SPON1: variants seen among roughly 807,000 people sequenced by gnomAD.
SPON1 encodes spondin 1.
A neutral mutation model predicts 111.7 loss-of-function variants in SPON1; 52 were observed. The ratio of observed to expected loss-of-function variants is 0.47; its 90% CI spans 0.37 to 0.59. SPON1 has a LOEUF of 0.59. Among genes scored for constraint, SPON1 ranks in the 20% least tolerant of loss-of-function variants. The pLI is 0.00. For synonymous variants in SPON1, 410 were observed against 395.8 expected (o/e 1.04, Z -0.43); for missense variants, 957 against 1,068.5 (o/e 0.90, Z 1.46).
intron 6 of SPON1, among the ~76,000 whole-genome samples, chr11:14,177,141 CG>C (rs2133885334): frequency 6.6e-6 from 1 of 152,236 alleles, no homozygotes; most frequent in African/African-American, 2.4e-5. Context: ...CCCAGGTTCA[CG>C]CCATTCTCCT....
At chr11:14,087,567 A>G (rs961849519) in intron 5 of SPON1, among the ~76,000 whole-genome samples, 4 of 152,172 alleles carry the variant, frequency 2.6e-5, no homozygotes, top group African/African-American at 9.7e-5. Context: ...ACTTCCAATT[A>G]TGTGGTCAAT....
intron 5 of SPON1, among the ~76,000 whole-genome samples, chr11:14,088,016 A>G (rs556561717): frequency 4.0e-5 from 6 of 151,798 alleles, no homozygotes; most frequent in Admixed American, 2.0e-4. Context: ...TTTTGAGCCT[A>G]TGTGTGCCTT....
At chr11:14,108,618 G>A (rs987413402) in intron 5 of SPON1, among the ~76,000 whole-genome samples, 4 of 152,140 alleles carry the variant, frequency 2.6e-5, no homozygotes, top group African/African-American at 9.7e-5. Flanking sequence ...CCAGCAATGA[G>A]GAAATAGAGT....
rs1172859445 is a variant in SPON1, at chr11:14,090,835, C to A, written c.676+10814C>A. On this transcript the variant is annotated intron_variant, in intron 5 of 15. Coordinates refer to ENST00000576479, the MANE Select transcript of SPON1 (RefSeq NM_006108.4). ...TATTCTCTTATCTGGCCCCCCCCCC[C>A]CCCCCCCCCGCCCACATCCTGCTGA... Among the ~76,000 whole-genome samples the A allele has an allele frequency of 2.5e-4, 8 of 31,446 alleles. No individual in the cohort carries two copies. The East Asian group carries it at 6.6e-3, about 26-fold the overall frequency. The allele number at this position is 31,446 out of a possible 152,430, so 20.6% of individuals were successfully genotyped here.
chr11:14,059,558 AAAC>A (rs1414860526), intron 3 of SPON1, among the ~76,000 whole-genome samples: 1 of 152,098 alleles, frequency 6.6e-6, no homozygotes, highest in Non-Finnish European at 1.5e-5. Flanking sequence ...AAAGGAGAAA[AAAC>A]AAGGCAGAGA....
intron 3 of SPON1, among the ~76,000 whole-genome samples, chr11:14,049,361 C>T (rs1178920116): frequency 6.6e-6 from 1 of 152,220 alleles, no homozygotes; most frequent in African/African-American, 2.4e-5. Context: ...CACTCTAGTT[C>T]CTTACCCTCT....
intron 1 of SPON1, among the ~76,000 whole-genome samples, chr11:13,964,673 C>T (rs1848002097): frequency 6.6e-6 from 1 of 152,194 alleles, no homozygotes; most frequent in Non-Finnish European, 1.5e-5. Context: ...GGGCGGAGAA[C>T]ACCCCGCCCA....
rs539688935 is a variant in SPON1, at chr11:14,056,113, G to A, written c.479+14459G>A. Reference sequence around the variant, plus strand: ...CATTACCACTTACTAATGACGTTAGGCAAGTCATTTTAGACACCCAGTGCC... The same window carrying A: ...CATTACCACTTACTAATGACGTTAGACAAGTCATTTTAGACACCCAGTGCC... On this transcript the variant is annotated intron_variant, in intron 3 of 15. Transcript: ENST00000576479. 2.6e-5 allele frequency among the ~76,000 whole-genome samples: 4 copies of A among 152,230 alleles called. No homozygotes were observed. The East Asian group carries it at 5.8e-4, about 22-fold the overall frequency.
rs372569370 is a variant in SPON1 at position 14,194,528 on chromosome 11, T to TCACACACACACACA, written c.826-48778_826-48765dup. Among the ~76,000 whole-genome samples the TCACACACACACACA allele has an allele frequency of 6.6e-4, 71 of 106,892 alleles. 1 individual carries two copies. The Middle Eastern group carries it at 0.015, about 22-fold the overall frequency. 70.1% of individuals were successfully genotyped at this position (106,892 alleles called of 152,430 possible). On this transcript the variant is annotated intron_variant, in intron 6 of 15. Coordinates refer to ENST00000576479, the MANE Select transcript of SPON1 (RefSeq NM_006108.4). ...GAACTAATGGGAATCTAGGCCTACT[T>TCACACACACACACA]CACACACACACACACACACACACAC...
intron 5 of SPON1, among the ~76,000 whole-genome samples, chr11:14,129,770 G>C (rs1847505315): frequency 6.6e-6 from 1 of 152,182 alleles, no homozygotes. Context: ...ATAAATAAAA[G>C]AAGTTTAATT....
intron 5 of SPON1, among the ~76,000 whole-genome samples, chr11:14,129,981 G>GACCCAGTC (rs148070587): frequency 0.022 from 3,295 of 152,238 alleles, 120 homozygotes; most frequent in African/African-American, 0.075. Context: ...CTGCTTTCAT[G>GACCCAGTC]ACCTCCCACC....
At chr11:14,247,560 T>C (rs573920789) in intron 7 of SPON1, among the ~76,000 whole-genome samples, 1 of 152,278 alleles carries the variant, frequency 6.6e-6, no homozygotes, top group South Asian at 2.1e-4. Flanking sequence ...GAGAATTAAC[T>C]GTGACTTCAC....
chr11:14,169,277 T>G (rs186778005), intron 6 of SPON1, among the ~76,000 whole-genome samples: 247 of 152,358 alleles, frequency 1.6e-3, no homozygotes, highest in Non-Finnish European at 2.9e-3. Flanking sequence ...TTTTCATGTG[T>G]TTTTTGACTG....
At chr11:14,092,660 G>A (rs1489289972) in intron 5 of SPON1, among the ~76,000 whole-genome samples, 3 of 152,132 alleles carry the variant, frequency 2.0e-5, no homozygotes, top group African/African-American at 7.2e-5. Flanking sequence ...CAGGGGAATC[G>A]CCTAAATGAC....
chr11:14,113,568 ATTTTTTTTTTT>A lies in SPON1; in HGVS notation c.677-21810_677-21800del, dbSNP rs782780924. On this transcript the variant is annotated intron_variant, in intron 5 of 15. Coordinates refer to ENST00000576479, the MANE Select transcript of SPON1 (RefSeq NM_006108.4). ...AAGTCACCTCCTATGTACTTTTTAA[ATTTTTTTTTTT>A]TTTTTTTTTTTTTTTTTTTTTTTTT... Among the ~76,000 whole-genome samples the A allele has an allele frequency of 3.6e-3, 269 of 74,742 alleles. 46 individuals are homozygous for A. The highest frequency in any genetic ancestry group is 5.6e-3 in the African/African-American group (106 of 18,788). 49.0% of individuals were successfully genotyped at this position (74,742 alleles called of 152,430 possible).
At chr11:14,123,268 A>G (rs534618099) in intron 5 of SPON1, among the ~76,000 whole-genome samples, 3 of 152,284 alleles carry the variant, frequency 2.0e-5, no homozygotes, top group African/African-American at 7.2e-5. Flanking sequence ...TGGACATTGT[A>G]AATACTACAT....
intron 6 of SPON1, among the ~76,000 whole-genome samples, chr11:14,194,171 C>T (rs1488985632): frequency 6.6e-6 from 1 of 152,184 alleles, no homozygotes; most frequent in African/African-American, 2.4e-5. Flanking sequence ...TGTCTTTCCA[C>T]TCATCCCTCA....
chr11:14,184,121 C>G (rs1554933899), intron 6 of SPON1, among the ~76,000 whole-genome samples: 1 of 152,158 alleles, frequency 6.6e-6, no homozygotes, highest in African/African-American at 2.4e-5. Context: ...ATCATTTCAA[C>G]CAGCCTTAGT....
intron 6 of SPON1, among the ~76,000 whole-genome samples, chr11:14,229,027 C>G (rs1181419406): frequency 6.6e-6 from 1 of 152,108 alleles, no homozygotes; most frequent in Non-Finnish European, 1.5e-5. Flanking sequence ...AAGCTTCCAC[C>G]CCAGTTACCT....
Sources: gnomAD v4.1 joint callset for allele counts (sites outside exome capture counted in the v4.1 genomes callset) on GRCh38, gnomAD v4.1.1 for gene constraint, MANE v1.5 for transcripts, NCBI Gene and HGNC (gene_info 2026-07-23, HGNC 2026-07-21) for gene names.